The following DCAF10 variants were observed in gnomAD, a reference collection of about 807,000 sequenced individuals.
The protein encoded by DCAF10 is DDB1 and CUL4 associated factor 10, also known as DDB1- and CUL4-associated factor 10.
A neutral mutation model predicts 51.9 loss-of-function variants in DCAF10; 19 were observed. The ratio of observed to expected loss-of-function variants is 0.37; its 90% CI spans 0.26 to 0.54. DCAF10 has a LOEUF of 0.54. Among genes scored for constraint, DCAF10 ranks in the 20% least tolerant of loss-of-function variants. The probability of loss-of-function intolerance (pLI) is 0.87; values close to 1 mark genes in which losing one functional copy is unlikely to be tolerated. For missense variants in DCAF10, 510 were observed against 730.6 expected (o/e 0.70, Z 3.48); for synonymous variants, 291 against 297.1 (o/e 0.98, Z 0.21).
chr9:37,854,257 A>G (rs1830780090), intron 3 of DCAF10, among the ~76,000 whole-genome samples: 1 of 151,876 alleles, frequency 6.6e-6, no homozygotes, highest in Admixed American at 6.6e-5. Context: ...ACACCACCAC[A>G]CTCAGCTAAT....
chr9:37,817,114 T>A (rs557367400), intron 1 of DCAF10, among the ~76,000 whole-genome samples: 71 of 152,258 alleles, frequency 4.7e-4, no homozygotes, highest in African/African-American at 1.7e-3. Context: ...TAAACCAATG[T>A]AAATAAGATC....
intron 1 of DCAF10, among the ~76,000 whole-genome samples, chr9:37,809,058 C>A: frequency 6.9e-6 from 1 of 145,872 alleles, no homozygotes; most frequent in Non-Finnish European, 1.5e-5. Flanking sequence ...CCACTGCATT[C>A]TAGCCTGGGT....
intron 1 of DCAF10, among the ~76,000 whole-genome samples, chr9:37,808,583 A>T (rs1397808706): frequency 1.8e-5 from 2 of 111,980 alleles, no homozygotes; most frequent in African/African-American, 7.2e-5. Flanking sequence ...ATATAATATA[A>T]AATATATTTA....
At chr9:37,828,125 C>A (rs989300151) in intron 2 of DCAF10, among the ~76,000 whole-genome samples, 2 of 152,210 alleles carry the variant, frequency 1.3e-5, no homozygotes, top group East Asian at 1.9e-4. Context: ...TGACCTCAAG[C>A]GATCCTCCCA....
At chr9:37,851,791 ATAAAT>A (rs1564049573) in intron 3 of DCAF10, among the ~76,000 whole-genome samples, 1 of 147,128 alleles carries the variant, frequency 6.8e-6, no homozygotes, top group African/African-American at 2.6e-5. Context: ...CTGTCTCAAA[ATAAAT>A]AAATAAATAA....
chr9:37,824,393 T>C (rs1368738852), intron 2 of DCAF10, among the ~76,000 whole-genome samples: 5 of 152,094 alleles, frequency 3.3e-5, no homozygotes, highest in Non-Finnish European at 7.4e-5. Flanking sequence ...TAATTCAGAC[T>C]CTTCTAGCAA....
At position 37,866,617 on chromosome 9, in the gene DCAF10, G is replaced by A. The variant is rs982555634; in HGVS notation, c.*5109G>A. ...TGCCTGTTCAGAGTGTCTACAGTAA[G>A]AGCTGGACAAACTCTGGGGGGACAC... On this transcript the variant is annotated 3_prime_UTR_variant, in exon 7 of 7. Coordinates refer to ENST00000377724, the MANE Select transcript of DCAF10 (RefSeq NM_024345.5). 1 of 152,470 alleles carries A rather than the reference G, an allele frequency of 6.6e-6. No individual in the cohort carries two copies. The highest frequency in any genetic ancestry group is 2.1e-4 in the South Asian group (1 of 4,832). 9.4% of individuals were successfully genotyped at this position (152,470 alleles called of 1,614,324 possible). A position where few individuals can be genotyped will look rare whatever the true frequency, so the allele number is the denominator to read the frequency against.
chr9:37,800,825 C>G lies in DCAF10; in HGVS notation c.-42C>G, dbSNP rs1405540216. 6.7e-7 allele frequency: 1 copy of G among 1,489,704 alleles called. No homozygotes were observed. Among genetic ancestry groups the G allele is most frequent in the Non-Finnish European group, 8.9e-7 (1 of 1,125,654 alleles). The allele number at this position is 1,489,704 out of a possible 1,614,324, so 92.3% of individuals were successfully genotyped here. On this transcript the variant is annotated 5_prime_UTR_variant, in exon 1 of 7. Coordinates refer to ENST00000377724, the MANE Select transcript of DCAF10 (RefSeq NM_024345.5). ...TGAACAGGGGCACTGAGGTGTCGGC[C>G]GGCGGGGCAGTGGCCCGGAGCGGGG...
intron 5 of DCAF10, 40 bp from the exon 6 acceptor site, chr9:37,860,008 G>GATA (rs763290420): frequency 6.2e-7 from 1 of 1,609,504 alleles, no homozygotes; most frequent in Non-Finnish European, 8.5e-7. Flanking sequence ...TTAGTTTTTT[G>GATA]ATAATACAAA....
intron 1 of DCAF10, among the ~76,000 whole-genome samples, chr9:37,812,759 G>A (rs1242653440): frequency 2.0e-5 from 3 of 152,130 alleles, no homozygotes; most frequent in African/African-American, 7.2e-5. Flanking sequence ...TCTGCCTTTT[G>A]TGTAGCTGGG....
At position 37,866,554 on chromosome 9, in the gene DCAF10, C is replaced by T. The variant is rs10511954; in HGVS notation, c.*5046C>T. 0.13 allele frequency: 19,477 copies of T among 152,196 alleles called. 1,407 individuals are homozygous for T. The highest frequency in any genetic ancestry group is 0.16 in the Non-Finnish European group (10,986 of 67,976). The allele number at this position is 152,196 out of a possible 1,614,324, so 9.4% of individuals were successfully genotyped here. A position where few individuals can be genotyped will look rare whatever the true frequency, so the allele number is the denominator to read the frequency against. ...CTTCTAACAGGCTCCCCACTTTCTT[C>T]TAATGTGCTGTTATGAGCTTTGGAC... is the stretch of plus-strand genomic sequence containing the variant. On this transcript the variant is annotated 3_prime_UTR_variant, in exon 7 of 7. Coordinates refer to ENST00000377724, the MANE Select transcript of DCAF10 (RefSeq NM_024345.5).
intron 3 of DCAF10, among the ~76,000 whole-genome samples, chr9:37,843,426 T>C (rs964901910): frequency 1.3e-5 from 2 of 152,224 alleles, no homozygotes; most frequent in African/African-American, 2.4e-5. Flanking sequence ...CTATTGGTTA[T>C]CTTTAGACAA....
Position 37,861,507 on chromosome 9 carries a change from AG to A in DCAF10, c.*1del, listed in dbSNP as rs1831016057. The stretch of plus-strand genomic sequence containing the variant: ...GTTTCTTTGTATCAGCCAAAGTTTT[AG>A]GCACAACTTACATCAAATAAGGAAC... ...GRVSLYQPKF[*>X] is the part of the protein sequence containing the mutation. On this transcript the variant is annotated frameshift_variant and stop_lost, in exon 7 of 7. Transcript: ENST00000377724. LOFTEE classifies it high-confidence loss of function. This position sits in a 1 kb window ranked among gnomAD's most constrained non-coding sequence, Gnocchi z 4.9. The A allele has an allele frequency of 6.2e-7, 1 of 1,604,294 alleles. No individual in the cohort carries two copies. Among genetic ancestry groups the A allele is most frequent in the African/African-American group, 1.3e-5 (1 of 74,660 alleles).
chr9:37,837,631 A>C (rs1351226096), intron 2 of DCAF10, among the ~76,000 whole-genome samples: 1 of 152,080 alleles, frequency 6.6e-6, no homozygotes, highest in Non-Finnish European at 1.5e-5. Context: ...AAGAGGCAAG[A>C]CTACAATGGG....
intron 5 of DCAF10, 60 bp downstream of exon 5, chr9:37,857,411 T>G: frequency 8.0e-7 from 1 of 1,252,342 alleles, no homozygotes. Context: ...TCTGATTAAT[T>G]ATTGATTGAT....
At chr9:37,847,725 T>C (rs1331313374) in intron 3 of DCAF10, among the ~76,000 whole-genome samples, 1 of 152,198 alleles carries the variant, frequency 6.6e-6, no homozygotes, top group African/African-American at 2.4e-5. Flanking sequence ...TGTCTTCATA[T>C]GCAGGAAATA....
chr9:37,848,507 T>C (rs1009043089), intron 3 of DCAF10, among the ~76,000 whole-genome samples: 14 of 152,200 alleles, frequency 9.2e-5, no homozygotes, highest in African/African-American at 3.4e-4. Context: ...ATATGAAATA[T>C]CTAGAATAGG....
At chr9:37,855,860 T>TA (rs1830831560) in intron 4 of DCAF10, among the ~76,000 whole-genome samples, 1 of 151,660 alleles carries the variant, frequency 6.6e-6, no homozygotes, top group African/African-American at 2.4e-5. Context: ...ACAAATAACT[T>TA]AAAAATTTAG....
At chr9:37,807,522 T>G (rs777533634) in intron 1 of DCAF10, among the ~76,000 whole-genome samples, 3 of 152,118 alleles carry the variant, frequency 2.0e-5, no homozygotes, top group Non-Finnish European at 4.4e-5. Flanking sequence ...ACTAGAATGA[T>G]TTAATGAACA....
Sources: allele counts gnomAD v4.1 joint callset (sites outside exome capture counted in the v4.1 genomes callset), GRCh38; gene constraint gnomAD v4.1.1; non-coding constraint Gnocchi (gnomAD v3.1); transcripts MANE v1.5; gene names NCBI Gene and HGNC (gene_info 2026-07-23, HGNC 2026-07-21).